The following CCDC122 variants were observed in gnomAD, a reference collection of about 807,000 sequenced individuals.
The protein encoded by CCDC122 is coiled-coil domain containing 122.
In CCDC122, 38 loss-of-function variants were observed where a neutral mutation model predicts 37.0. The ratio of observed to expected loss-of-function variants is 1.03; its 90% CI spans 0.79 to 1.35. The LOEUF (loss-of-function observed/expected upper bound fraction) is 1.35, where lower values mean the gene tolerates loss of function less well. CCDC122 is among the 40% of genes most tolerant of loss of function. The pLI, the probability that CCDC122 is intolerant of heterozygous loss-of-function variation, is 0.00. For synonymous variants in CCDC122, 83 were observed against 95.6 expected (o/e 0.87, Z 0.77); for missense variants, 305 against 310.0 (o/e 0.98, Z 0.12).
intron 3 of CCDC122, among the ~76,000 whole-genome samples, chr13:43,826,291 T>G (rs537607687): frequency 6.6e-6 from 1 of 152,202 alleles, no homozygotes; most frequent in Non-Finnish European, 1.5e-5. Flanking sequence ...TCAGGGACAC[T>G]GTATTTTTGA....
At chr13:43,864,878 CTG>C (rs1954223183) in intron 4 of CCDC122, among the ~76,000 whole-genome samples, 2 of 152,132 alleles carry the variant, frequency 1.3e-5, no homozygotes, top group Non-Finnish European at 2.9e-5. Context: ...GATTAGAAGA[CTG>C]AAACTTTTAG....
chr13:43,866,685 G>A (rs569006396), intron 4 of CCDC122, among the ~76,000 whole-genome samples: 1 of 152,098 alleles, frequency 6.6e-6, no homozygotes, highest in African/African-American at 2.4e-5. Flanking sequence ...GAATGGTTTC[G>A]ATGGCATTGT....
chr13:43,854,426 G>A (rs1184944377), intron 6 of CCDC122: 1 of 152,118 alleles, frequency 6.6e-6, no homozygotes, highest in African/African-American at 2.4e-5. Flanking sequence ...ACTGAACCGG[G>A]AAGAAATCGA....
chr13:43,866,292 T>C (rs896652984), intron 4 of CCDC122, among the ~76,000 whole-genome samples: 3 of 152,212 alleles, frequency 2.0e-5, no homozygotes, highest in Admixed American at 1.3e-4. Context: ...CAGAACTGAA[T>C]CAAATCATTG....
chr13:43,825,749 G>A (rs1953033675), intron 3 of CCDC122, among the ~76,000 whole-genome samples: 1 of 134,592 alleles, frequency 7.4e-6, no homozygotes, highest in South Asian at 2.5e-4. Flanking sequence ...CAGCCTGGGC[G>A]ACGGAGTGAG....
At chr13:43,850,619 A>G (rs1396615792) in intron 6 of CCDC122, among the ~76,000 whole-genome samples, 1 of 152,220 alleles carries the variant, frequency 6.6e-6, no homozygotes, top group Non-Finnish European at 1.5e-5. Flanking sequence ...AAGTTACTCA[A>G]TCTGAACAAA....
chr13:43,819,891 G>T (rs1205935356), downstream of CCDC122, among the ~76,000 whole-genome samples: 2 of 151,852 alleles, frequency 1.3e-5, no homozygotes, highest in Non-Finnish European at 2.9e-5. Flanking sequence ...ATGAAAAAGA[G>T]AAACAAAATA....
intron 3 of CCDC122, among the ~76,000 whole-genome samples, chr13:43,824,609 T>C (rs1953022337): frequency 6.6e-6 from 1 of 151,994 alleles, no homozygotes; most frequent in Non-Finnish European, 1.5e-5. Flanking sequence ...ATCAACAGAG[T>C]AAACAATCTA....
chr13:43,841,479 G>A (rs150521273), intron 6 of CCDC122, among the ~76,000 whole-genome samples: 5 of 152,110 alleles, frequency 3.3e-5, no homozygotes, highest in East Asian at 3.9e-4. Flanking sequence ...TTTGATTCAC[G>A]TTTCCTTGGT....
chr13:43,877,152 C>T (rs373091639), intron 1 of CCDC122, among the ~76,000 whole-genome samples: 7 of 152,280 alleles, frequency 4.6e-5, no homozygotes, highest in African/African-American at 1.7e-4. Context: ...CAGATTGCTT[C>T]ACAGGTGCCT....
chr13:43,858,992 C>A, intron 5 of CCDC122, 95 bp from the exon 6 acceptor site: 2 of 1,012,026 alleles, frequency 2.0e-6, no homozygotes, highest in Non-Finnish European at 2.7e-6. Flanking sequence ...GAAAACTAGC[C>A]AAATCAAAAT....
chr13:43,862,147 G>A lies in CCDC122; in HGVS notation c.157-2077C>T, dbSNP rs370022712. Among the ~76,000 whole-genome samples the A allele has an allele frequency of 3.9e-5, 6 of 152,168 alleles. No individual in the cohort carries two copies. The East Asian group carries it at 1.2e-3, about 29-fold the overall frequency. ...TTTCCCTGCTCAACATCCTCCAGTGGTTTCCCATTGCATTAATAAAAAATT... is the reference window on the plus strand; with the variant it reads ...TTTCCCTGCTCAACATCCTCCAGTGATTTCCCATTGCATTAATAAAAAATT... On this transcript the variant is annotated intron_variant, in intron 4 of 6. Transcript: ENST00000444614.
At chr13:43,851,743 C>T (rs1218752236) in intron 6 of CCDC122, among the ~76,000 whole-genome samples, 1 of 152,156 alleles carries the variant, frequency 6.6e-6, no homozygotes, top group African/African-American at 2.4e-5. Flanking sequence ...AGTCTGGGAG[C>T]ACCTTGGCAC....
intron 6 of CCDC122, among the ~76,000 whole-genome samples, chr13:43,846,874 C>A (rs1197714470): frequency 2.3e-5 from 3 of 128,540 alleles, no homozygotes; most frequent in Non-Finnish European, 5.0e-5. Context: ...TAAGAATCCA[C>A]AAGACAGTAT....
intron 4 of CCDC122, among the ~76,000 whole-genome samples, chr13:43,865,422 G>A (rs901504973): frequency 5.9e-5 from 9 of 152,028 alleles, no homozygotes; most frequent in South Asian, 2.1e-4. Context: ...CTCCGTGGAC[G>A]TCTGAAACCA....
intron 6 of CCDC122, among the ~76,000 whole-genome samples, chr13:43,851,783 G>A (rs1369657805): frequency 1.3e-5 from 2 of 152,100 alleles, no homozygotes; most frequent in Non-Finnish European, 2.9e-5. Flanking sequence ...TAACCTTGAG[G>A]GGCCAGAGAA....
intron 6 of CCDC122, among the ~76,000 whole-genome samples, chr13:43,842,789 T>C (rs371245983): frequency 6.6e-6 from 1 of 152,236 alleles, no homozygotes; most frequent in East Asian, 1.9e-4. Flanking sequence ...TAAAGTTTTG[T>C]TTTATTCATT....
intron 6 of CCDC122, among the ~76,000 whole-genome samples, chr13:43,848,129 G>A (rs1953604625): frequency 6.6e-6 from 1 of 152,126 alleles, no homozygotes; most frequent in Non-Finnish European, 1.5e-5. Context: ...TTCTGTTGCT[G>A]ACCTCAATAA....
At chr13:43,842,818 T>C (rs1316938964) in intron 6 of CCDC122, among the ~76,000 whole-genome samples, 3 of 152,104 alleles carry the variant, frequency 2.0e-5, no homozygotes, top group Admixed American at 6.5e-5. Flanking sequence ...TCATTGTTTA[T>C]TGCTACTACA....
Sources: gnomAD v4.1 joint callset for allele counts (sites outside exome capture counted in the v4.1 genomes callset) on GRCh38, gnomAD v4.1.1 for gene constraint, MANE v1.5 for transcripts, NCBI Gene and HGNC (gene_info 2026-07-23, HGNC 2026-07-21) for gene names.